Variants in SUGCT observed in about 807,000 individuals in gnomAD.
SUGCT encodes succinyl-CoA:glutarate CoA-transferase.
Under a neutral mutation model 55.0 loss-of-function variants are expected in SUGCT, and 41 were observed. The ratio of observed to expected loss-of-function variants is 0.74; its 90% CI spans 0.58 to 0.97. The LOEUF (loss-of-function observed/expected upper bound fraction) is 0.97, where lower values mean the gene tolerates loss of function less well. Among genes scored for constraint, SUGCT ranks in the 50% least tolerant of loss-of-function variants. The pLI is 0.00. For synonymous variants in SUGCT, 187 were observed against 200.4 expected, an observed-to-expected ratio of 0.93 and a Z score of 0.56; for missense variants, 568 against 547.8, an observed-to-expected ratio of 1.04 and a Z score of -0.37.
the SUGCT span, among the ~76,000 whole-genome samples, chr7:40,957,358 C>T: frequency 6.6e-6 from 1 of 151,468 alleles, no homozygotes; most frequent in South Asian, 2.1e-4. Context: ...GCATTGATCC[C>T]TTTACTATTA....
chr7:40,144,695 A>G lies in SUGCT; in HGVS notation c.100+9575A>G, dbSNP rs567840212. Among the ~76,000 whole-genome samples the G allele has an allele frequency of 5.3e-5, 8 of 152,300 alleles. No individual in the cohort carries two copies. The South Asian group carries it at 1.5e-3, about 28-fold the overall frequency. ...CAAGTATACAATTTCTAAGAAATTG[A>G]TCTTTTGTTTTAAATGTGGGGACAT... is the stretch of plus-strand genomic sequence containing the variant. On this transcript the variant is annotated intron_variant, in intron 1 of 13. Coordinates refer to ENST00000335693, the MANE Select transcript of SUGCT (RefSeq NM_001193313.2).
At chr7:40,631,137 A>G (rs563708505) in intron 12 of SUGCT, among the ~76,000 whole-genome samples, 20 of 152,260 alleles carry the variant, frequency 1.3e-4, no homozygotes, top group Admixed American at 8.5e-4. Context: ...AAGAACAAAC[A>G]TATGAAAACA....
intron 13 of SUGCT, among the ~76,000 whole-genome samples, chr7:40,823,695 TCTC>T (rs1469821532): frequency 6.6e-6 from 1 of 152,080 alleles, no homozygotes; most frequent in Middle Eastern, 3.2e-3. Context: ...TCCTCTTCCT[TCTC>T]CTTTTTTGAG....
intron 11 of SUGCT, among the ~76,000 whole-genome samples, chr7:40,484,666 C>A (rs1791235879): frequency 6.6e-6 from 1 of 152,142 alleles, no homozygotes; most frequent in Non-Finnish European, 1.5e-5. Flanking sequence ...TCATGAAGAT[C>A]ATAAAACTCA....
chr7:40,246,033 C>T (rs979498760), intron 7 of SUGCT, among the ~76,000 whole-genome samples: 3 of 151,996 alleles, frequency 2.0e-5, no homozygotes, highest in Non-Finnish European at 4.4e-5. Context: ...TGGGGTCTCT[C>T]CATGATGCCC....
intron 9 of SUGCT, among the ~76,000 whole-genome samples, chr7:40,330,786 T>G (rs553346597): frequency 6.6e-6 from 1 of 152,244 alleles, no homozygotes; most frequent in South Asian, 2.1e-4. Flanking sequence ...ACAATACAGT[T>G]TTAGCTTACA....
intron 11 of SUGCT, among the ~76,000 whole-genome samples, chr7:40,481,240 A>T (rs1254182257): frequency 1.3e-5 from 2 of 152,034 alleles, no homozygotes; most frequent in East Asian, 3.9e-4. Context: ...CGAGAGGCTG[A>T]CCCGTGAGGA....
the SUGCT span, among the ~76,000 whole-genome samples, chr7:41,010,265 C>T: frequency 6.6e-6 from 1 of 152,194 alleles, no homozygotes; most frequent in Non-Finnish European, 1.5e-5. Flanking sequence ...CACGTAGGAA[C>T]CACTGCTACT....
intron 12 of SUGCT, among the ~76,000 whole-genome samples, chr7:40,735,548 T>C (rs544217542): frequency 2.0e-5 from 3 of 152,280 alleles, no homozygotes; most frequent in Non-Finnish European, 2.9e-5. Flanking sequence ...GCTAATACTC[T>C]TTAGCTTAGA....
intron 13 of SUGCT, among the ~76,000 whole-genome samples, chr7:40,784,574 G>A (rs1789925059): frequency 6.6e-6 from 1 of 152,118 alleles, no homozygotes; most frequent in Non-Finnish European, 1.5e-5. Context: ...TGTCCCCTTT[G>A]ATCCCTTTCC....
chr7:40,362,987 A>T (rs993537395), intron 9 of SUGCT, among the ~76,000 whole-genome samples: 44 of 152,188 alleles, frequency 2.9e-4, no homozygotes, highest in African/African-American at 1.0e-3. Flanking sequence ...CCATTTTTAA[A>T]ATGGCTGTTA....
At chr7:40,884,699 A>T in the SUGCT span, among the ~76,000 whole-genome samples, 1 of 152,232 alleles carries the variant, frequency 6.6e-6, no homozygotes, top group Non-Finnish European at 1.5e-5. Flanking sequence ...TGGTAGAAAC[A>T]GGCAAGGGAG....
chr7:40,756,583 G>A (rs1199796563), intron 13 of SUGCT, among the ~76,000 whole-genome samples: 1 of 152,134 alleles, frequency 6.6e-6, no homozygotes, highest in Non-Finnish European at 1.5e-5. Context: ...TCCTCAAAGT[G>A]CAGTTAAATT....
intron 9 of SUGCT, among the ~76,000 whole-genome samples, chr7:40,375,128 G>T (rs1784481156): frequency 6.6e-6 from 1 of 152,180 alleles, no homozygotes; most frequent in African/African-American, 2.4e-5. Context: ...TACGTGTTCT[G>T]AGCTGGGAGA....
chr7:40,740,307 T>C (rs181891737), intron 12 of SUGCT, among the ~76,000 whole-genome samples: 27 of 152,122 alleles, frequency 1.8e-4, no homozygotes, highest in African/African-American at 6.3e-4. Context: ...TATTTTTGTA[T>C]ATTTTCTTGA....
chr7:40,338,097 A>T (rs1052385719), intron 9 of SUGCT, among the ~76,000 whole-genome samples: 1 of 152,178 alleles, frequency 6.6e-6, no homozygotes, highest in Non-Finnish European at 1.5e-5. Flanking sequence ...TCTGGCTTGT[A>T]GAGTTTCTGC....
the SUGCT span, among the ~76,000 whole-genome samples, chr7:41,011,160 C>T: frequency 2.0e-5 from 3 of 152,136 alleles, no homozygotes; most frequent in Non-Finnish European, 2.9e-5. Context: ...GAGGAGGAAG[C>T]AGCTGTTTCA....
intron 12 of SUGCT, among the ~76,000 whole-genome samples, chr7:40,647,169 C>T (rs1238857914): frequency 6.6e-6 from 1 of 152,128 alleles, no homozygotes; most frequent in Non-Finnish European, 1.5e-5. Context: ...CTGAAAGTCT[C>T]TAACATTAAA....
intron 13 of SUGCT, among the ~76,000 whole-genome samples, chr7:40,803,258 C>A (rs957506163): frequency 5.9e-5 from 9 of 151,952 alleles, no homozygotes; most frequent in Non-Finnish European, 1.0e-4. Flanking sequence ...AAGTAGCAAC[C>A]TTTTATAGAT....
Sources: gnomAD v4.1 joint callset for allele counts (sites outside exome capture counted in the v4.1 genomes callset) on GRCh38, gnomAD v4.1.1 for gene constraint, MANE v1.5 for transcripts, NCBI Gene and HGNC (gene_info 2026-07-23, HGNC 2026-07-21) for gene names.